BAZ1B: variants seen among roughly 807,000 people sequenced by gnomAD.
BAZ1B encodes tyrosine-protein kinase BAZ1B.
BAZ1B carries 22 observed loss-of-function variants against 153.8 expected under a neutral mutation model. That is an observed-to-expected ratio of 0.14 (90% confidence interval 0.10 to 0.20). BAZ1B has a LOEUF of 0.20. Among genes scored for constraint, BAZ1B ranks in the 10% least tolerant of loss-of-function variants. The pLI, the probability that BAZ1B is intolerant of heterozygous loss-of-function variation, is 1.00. For missense variants in BAZ1B, 1,325 were observed against 1,799.3 expected, an observed-to-expected ratio of 0.74 and a Z score of 4.77; for synonymous variants, 676 against 633.4, an observed-to-expected ratio of 1.07 and a Z score of -1.01.
intron 15 of BAZ1B, 62 bp from the exon 16 acceptor site, chr7:73,447,441 C>T: frequency 6.5e-7 from 1 of 1,541,308 alleles, no homozygotes. Context: ...CTAAGAAGGG[C>T]TCAAATCCCA....
intron 7 of BAZ1B, among the ~76,000 whole-genome samples, chr7:73,472,699 C>G (rs990651718): frequency 6.6e-6 from 1 of 152,070 alleles, no homozygotes; most frequent in Non-Finnish European, 1.5e-5. Context: ...GCCGCAGCCT[C>G]CCAAGTAGCT....
At chr7:73,473,246 T>C (rs953024961) in intron 7 of BAZ1B, among the ~76,000 whole-genome samples, 3 of 152,118 alleles carry the variant, frequency 2.0e-5, no homozygotes, top group Non-Finnish European at 4.4e-5. Context: ...GGCCTGTTCA[T>C]ATGTCTTTAA....
chr7:73,476,999 T>C lies in BAZ1B; in HGVS notation c.2462A>G (p.Lys821Arg). ...GGGCTCAAACTTCACAATTTCTTTT[T>C]TCCTATCAGTTTTGCCTAACCCATT... ...VENGLGKTDR[K>R]KEIVKFEPQV... Residue 821 changes from lysine (K) to arginine (R), a missense_variant, in exon 7 of 20, where the codon AAA (lysine) becomes AGA (arginine). By Grantham distance (26) the Lys-to-Arg change is conservative. This residue lies in a region of BAZ1B where 431 missense variants were observed against 563.5 expected (regional missense o/e 0.76). Coordinates refer to ENST00000339594, the MANE Select transcript of BAZ1B (RefSeq NM_032408.4). 1 of 1,614,244 alleles carries C rather than the reference T, an allele frequency of 6.2e-7. No homozygotes were observed. Among genetic ancestry groups the C allele is most frequent in the Non-Finnish European group, 8.5e-7 (1 of 1,180,042 alleles).
In BAZ1B at chr7:73,522,122, A is replaced by G. The variant is rs1271894602; in HGVS notation, c.-189T>C. 4 of 410,602 alleles carry G rather than the reference A, an allele frequency of 9.7e-6. No individual in the cohort carries two copies. Among genetic ancestry groups the G allele is most frequent in the Non-Finnish European group, 1.7e-5 (4 of 237,904 alleles). 25.4% of individuals were successfully genotyped at this position (410,602 alleles called of 1,614,324 possible). ...CGCGACAGTCATGGAGCGGAACGCC[A>G]CGGCGCAGAGCTCCCGCGCACACCG... On this transcript the variant is annotated 5_prime_UTR_variant, in exon 1 of 20. Transcript: ENST00000339594.
At chr7:73,512,776 A>G (rs1790640786) in intron 1 of BAZ1B, among the ~76,000 whole-genome samples, 1 of 152,254 alleles carries the variant, frequency 6.6e-6, no homozygotes, top group Non-Finnish European at 1.5e-5. Context: ...TGGTTGAAAT[A>G]AAAGTATTTA....
chr7:73,444,909 G>C (rs911383954), intron 16 of BAZ1B, among the ~76,000 whole-genome samples: 5 of 152,132 alleles, frequency 3.3e-5, no homozygotes, highest in Non-Finnish European at 7.3e-5. Flanking sequence ...AGCTACTCAG[G>C]AGGCTGAGGC....
chr7:73,498,343 T>C (rs531326220), intron 4 of BAZ1B, among the ~76,000 whole-genome samples, 154 bp downstream of exon 4: 2 of 152,344 alleles, frequency 1.3e-5, no homozygotes, highest in African/African-American at 4.8e-5. Flanking sequence ...TTTCATGTTG[T>C]GGACATTTTA....
chr7:73,471,445 A>G (rs185903244), intron 7 of BAZ1B, among the ~76,000 whole-genome samples: 2 of 152,346 alleles, frequency 1.3e-5, no homozygotes, highest in African/African-American at 2.4e-5. Context: ...AAGTTTTTCC[A>G]TAATTGTCAC....
In BAZ1B at chr7:73,442,349, T is replaced by C; in HGVS notation, c.4299A>G (p.Glu1433=). ...TATGCAACAGAGCCACTAGACACTGTTCTGTCTTCACCATGCAGCTTAGCA... is the reference window on the plus strand; with the variant it reads ...TATGCAACAGAGCCACTAGACACTGCTCTGTCTTCACCATGCAGCTTAGCA... ...SHVLSCMVKT[E]QCLVALLHKH... is the part of the protein sequence containing the mutation. The change falls in exon 19 of 20, where the codon GAA becomes GAG. Residue 1433 remains glutamate (E), a synonymous_variant. Transcript: ENST00000339594. 1 of 1,614,234 alleles carries C rather than the reference T, an allele frequency of 6.2e-7. No individual in the cohort carries two copies. Among genetic ancestry groups the C allele is most frequent in the Non-Finnish European group, 8.5e-7 (1 of 1,180,044 alleles).
intron 1 of BAZ1B, among the ~76,000 whole-genome samples, chr7:73,513,884 A>C (rs2115588709): frequency 6.6e-6 from 1 of 152,114 alleles, no homozygotes; most frequent in South Asian, 2.1e-4. Flanking sequence ...AAAAAAAAAA[A>C]CTCACTGTGT....
intron 1 of BAZ1B, among the ~76,000 whole-genome samples, chr7:73,516,332 C>T (rs1790797634): frequency 6.6e-6 from 1 of 151,906 alleles, no homozygotes; most frequent in Admixed American, 6.6e-5. Flanking sequence ...TTTTTTCCCA[C>T]CATTTTTTTC....
chr7:73,485,598 C>CCAG lies in BAZ1B; in HGVS notation c.891+3595_891+3596insCTG, dbSNP rs781970842. On this transcript the variant is annotated intron_variant, in intron 6 of 19. Coordinates refer to ENST00000339594, the MANE Select transcript of BAZ1B (RefSeq NM_032408.4). ...TATGATCATTCCACTGCTCTCTAAC[C>CCAG]TGGGAGACAGCATAAGGCCTACCTC... is the stretch of plus-strand genomic sequence containing the variant. Among the ~76,000 whole-genome samples, 3 of 147,058 alleles carry CCAG rather than the reference C, an allele frequency of 2.0e-5. No homozygotes were observed. The East Asian group carries it at 5.9e-4, about 29-fold the overall frequency.
At chr7:73,515,854 G>A (rs546075662) in intron 1 of BAZ1B, among the ~76,000 whole-genome samples, 3 of 152,200 alleles carry the variant, frequency 2.0e-5, no homozygotes, top group African/African-American at 7.2e-5. Flanking sequence ...CTTAAAATGA[G>A]AAAAATGTGG....
chr7:73,489,726 G>A (rs782305469), intron 5 of BAZ1B, among the ~76,000 whole-genome samples: 5 of 152,124 alleles, frequency 3.3e-5, no homozygotes, highest in Non-Finnish European at 5.9e-5. Context: ...CCAGGAGTTC[G>A]AAGCTATAGT....
intron 1 of BAZ1B, among the ~76,000 whole-genome samples, chr7:73,514,002 C>T (rs753712420): frequency 1.3e-5 from 2 of 151,992 alleles, no homozygotes; most frequent in Non-Finnish European, 2.9e-5. Context: ...TGCTTAGAAC[C>T]GGGAGTATTT....
At chr7:73,508,258 T>G in intron 3 of BAZ1B, 69 bp downstream of exon 3, 1 of 1,501,920 alleles carries the variant, frequency 6.7e-7, no homozygotes, top group Non-Finnish European at 9.1e-7. Flanking sequence ...CATAGAAATG[T>G]GTTCTGTAAC....
chr7:73,473,857 C>T lies in BAZ1B; in HGVS notation c.2593+3011G>A, dbSNP rs527296555. ...CACATGCCTGTAAGTCCCAGCTGCT[C>T]GGGAGGCCGAAGTGGGAGGACCACT... On this transcript the variant is annotated intron_variant, in intron 7 of 19. Coordinates refer to ENST00000339594, the MANE Select transcript of BAZ1B (RefSeq NM_032408.4). Among the ~76,000 whole-genome samples the T allele has an allele frequency of 3.3e-5, 5 of 152,174 alleles. No individual in the cohort carries two copies. The South Asian group carries it at 8.3e-4, about 25-fold the overall frequency.
Position 73,477,905 on chromosome 7 carries a change from C to A in BAZ1B, c.1556G>T (p.Arg519Leu), listed in dbSNP as rs999125819. ...TTCATAGCGTTTTTGAACAAGACTT[C>A]GCAATTCTTCTGGGAGACGAGCTCT... ...EDRARLPEEL[R>L]SLVQKRYELL... Residue 519 changes from arginine to leucine, a missense_variant, in exon 7 of 20, where the codon CGA (arginine) becomes CTA (leucine). By Grantham distance (102) the Arg-to-Leu change is moderately radical. Around this residue, in one of 9 missense-constraint regions of BAZ1B, gnomAD observed 154 missense variants for 266.3 expected, o/e 0.58. Transcript: ENST00000339594. The surrounding 1 kb of genome is among the most constrained non-coding windows in gnomAD (Gnocchi z 5.6). 6.2e-7 allele frequency: 1 copy of A among 1,614,046 alleles called. No homozygotes were observed. Among genetic ancestry groups the A allele is most frequent in the Non-Finnish European group, 8.5e-7 (1 of 1,180,038 alleles).
At chr7:73,452,167 A>G (rs1341618981) in intron 13 of BAZ1B, among the ~76,000 whole-genome samples, 1 of 152,198 alleles carries the variant, frequency 6.6e-6, no homozygotes, top group African/African-American at 2.4e-5. Flanking sequence ...TTTAAAAAAC[A>G]GATTTTAAAT....
Sources: gnomAD v4.1 joint callset for allele counts (sites outside exome capture counted in the v4.1 genomes callset) on GRCh38, gnomAD v4.1.1 for gene constraint, gnomAD v4.1.1 regional missense constraint, Gnocchi (gnomAD v3.1) non-coding constraint, MANE v1.5 for transcripts, NCBI Gene and HGNC (gene_info 2026-07-23, HGNC 2026-07-21) for gene names.